ENTREP2: variants seen among roughly 807,000 people sequenced by gnomAD.
The protein encoded by ENTREP2 is protein ENTREP2.
At chr15:29,269,913 T>G in the ENTREP2 span, 14 of 510,056 alleles carry the variant, frequency 2.7e-5, no homozygotes, top group East Asian at 4.2e-4. Flanking sequence ...GAACAGCGTT[T>G]TCCGTGCAGC....
the ENTREP2 span, chr15:29,269,148 G>A: frequency 6.2e-7 from 1 of 1,614,156 alleles, no homozygotes; most frequent in South Asian, 1.1e-5. Flanking sequence ...CCTTCATAAA[G>A]ATGAGCCCTA....
the ENTREP2 span, among the ~76,000 whole-genome samples, chr15:29,194,719 T>C: frequency 5.1e-4 from 78 of 152,112 alleles, 2 homozygotes; most frequent in Non-Finnish European, 6.6e-4. Context: ...TTAGAGACAG[T>C]GTTGTTTTTT....
At chr15:29,118,700 C>G in the ENTREP2 span, among the ~76,000 whole-genome samples, 2 of 152,164 alleles carry the variant, frequency 1.3e-5, no homozygotes, top group African/African-American at 4.8e-5. Flanking sequence ...GGTGTGCATG[C>G]GTGTGCGTGT....
chr15:29,276,978 CTCA>C, the ENTREP2 span, among the ~76,000 whole-genome samples: 88 of 152,258 alleles, frequency 5.8e-4, no homozygotes, highest in Admixed American at 1.3e-3. Flanking sequence ...GGGGAATGTG[CTCA>C]TCATTTTAGT....
the ENTREP2 span, among the ~76,000 whole-genome samples, chr15:29,656,416 G>A: frequency 1.3e-5 from 2 of 152,050 alleles, no homozygotes; most frequent in African/African-American, 2.4e-5. Flanking sequence ...TAATAGACAC[G>A]AAGTTTCACT....
At chr15:29,611,148 C>T in the ENTREP2 span, 1 of 152,278 alleles carries the variant, frequency 6.6e-6, no homozygotes, top group Non-Finnish European at 1.5e-5. Flanking sequence ...CTCCTACTCC[C>T]ATCACTTCCT....
chr15:29,153,600 T>C, the ENTREP2 span, among the ~76,000 whole-genome samples: 1 of 152,314 alleles, frequency 6.6e-6, no homozygotes, highest in East Asian at 1.9e-4. Context: ...TTTCAACATA[T>C]GAATTTTGGA....
the ENTREP2 span, among the ~76,000 whole-genome samples, chr15:29,333,782 G>T: frequency 6.6e-6 from 1 of 151,950 alleles, no homozygotes; most frequent in Non-Finnish European, 1.5e-5. Flanking sequence ...TTGGAAATAG[G>T]TTCACTGCAG....
At chr15:29,484,932 G>A in the ENTREP2 span, among the ~76,000 whole-genome samples, 4 of 152,140 alleles carry the variant, frequency 2.6e-5, no homozygotes, top group African/African-American at 7.2e-5. Context: ...ATTTTTATTT[G>A]TCTATTGCTT....
At chr15:29,370,323 T>C in the ENTREP2 span, among the ~76,000 whole-genome samples, 3 of 152,140 alleles carry the variant, frequency 2.0e-5, no homozygotes, top group Admixed American at 2.0e-4. Context: ...TGAGTAACTA[T>C]CCTAGTATTA....
chr15:29,416,797 A>C, the ENTREP2 span, among the ~76,000 whole-genome samples: 2 of 152,244 alleles, frequency 1.3e-5, no homozygotes, highest in Admixed American at 6.5e-5. Context: ...CAACAAATTT[A>C]CAAGAAGAAA....
chr15:29,348,322 CA>C, the ENTREP2 span, among the ~76,000 whole-genome samples: 2,794 of 152,098 alleles, frequency 0.018, 98 homozygotes, highest in African/African-American at 0.064. Flanking sequence ...GAAATGGAAA[CA>C]GGGGGAGGTC....
At chr15:29,160,335 G>A in the ENTREP2 span, among the ~76,000 whole-genome samples, 17 of 152,296 alleles carry the variant, frequency 1.1e-4, no homozygotes, top group South Asian at 6.2e-4. Context: ...ACAGTGCAGC[G>A]TGGGCTGAAG....
the ENTREP2 span, among the ~76,000 whole-genome samples, chr15:29,467,241 G>A: frequency 4.6e-5 from 7 of 152,124 alleles, no homozygotes; most frequent in Non-Finnish European, 1.5e-5. Context: ...ATGCCTCTCA[G>A]GCTATTGGAG....
the ENTREP2 span, among the ~76,000 whole-genome samples, chr15:29,392,473 C>T: frequency 2.6e-5 from 4 of 151,382 alleles, no homozygotes. Context: ...AATAGTTACG[C>T]TGGAAACACC....
the ENTREP2 span, chr15:29,265,174 T>C: frequency 3.3e-5 from 5 of 152,160 alleles, no homozygotes; most frequent in African/African-American, 1.2e-4. Flanking sequence ...CATCACACTC[T>C]ATGGCAAAAC....
chr15:29,346,023 C>T, the ENTREP2 span, among the ~76,000 whole-genome samples: 1 of 152,174 alleles, frequency 6.6e-6, no homozygotes, highest in Non-Finnish European at 1.5e-5. Flanking sequence ...CACAGAGAAG[C>T]TAACTTTCTG....
the ENTREP2 span, among the ~76,000 whole-genome samples, chr15:29,304,278 C>CT: frequency 6.6e-6 from 1 of 151,898 alleles, no homozygotes; most frequent in Non-Finnish European, 1.5e-5. Flanking sequence ...AACTTGACAC[C>CT]TGACCAAATG....
the ENTREP2 span, among the ~76,000 whole-genome samples, chr15:29,667,552 C>T: frequency 3.9e-5 from 5 of 128,852 alleles, no homozygotes; most frequent in South Asian, 1.1e-3. Context: ...AGTGCAATGG[C>T]GTGTGGTCTC....
Sources: gnomAD v4.1 joint callset for allele counts (sites outside exome capture counted in the v4.1 genomes callset) on GRCh38, gnomAD v4.1.1 for gene constraint, MANE v1.5 for transcripts, NCBI Gene and HGNC (gene_info 2026-07-23, HGNC 2026-07-21) for gene names.